NRG3: variants seen among roughly 807,000 people sequenced by gnomAD.
The protein encoded by NRG3 is neuregulin 3.
NRG3 carries 31 observed loss-of-function variants against 66.9 expected under a neutral mutation model. The ratio of observed to expected loss-of-function variants is 0.46; its 90% CI spans 0.35 to 0.63. NRG3 has a LOEUF of 0.63. Ranked by LOEUF, NRG3 falls within the 20% of genes least tolerant of loss-of-function variation. The pLI is 0.00. For synonymous variants in NRG3, 393 were observed against 359.4 expected (o/e 1.09, Z -1.06); for missense variants, 910 against 878.9 (o/e 1.04, Z -0.45).
chr10:81,970,286 C>G (rs1348299863), intron 1 of NRG3, among the ~76,000 whole-genome samples: 1 of 152,096 alleles, frequency 6.6e-6, no homozygotes, highest in African/African-American at 2.4e-5. Flanking sequence ...ATCAACATGT[C>G]AGAGAGATGT....
At chr10:82,495,583 C>T (rs192294489) in intron 2 of NRG3, among the ~76,000 whole-genome samples, 105 of 152,100 alleles carry the variant, frequency 6.9e-4, no homozygotes, top group Non-Finnish European at 1.3e-3. Flanking sequence ...AAGTTGGGCA[C>T]GCCTAGCAGA....
intron 2 of NRG3, among the ~76,000 whole-genome samples, chr10:82,414,861 T>C (rs1198400553): frequency 6.6e-6 from 1 of 152,168 alleles, no homozygotes; most frequent in African/African-American, 2.4e-5. Flanking sequence ...AGGATTCTTG[T>C]ATTACAGTCT....
intron 3 of NRG3, among the ~76,000 whole-genome samples, chr10:82,790,485 G>A (rs763407292): frequency 2.0e-5 from 3 of 151,756 alleles, no homozygotes; most frequent in Non-Finnish European, 4.4e-5. Flanking sequence ...TCCTTTTTTC[G>A]ATACCTTTAC....
intron 4 of NRG3, among the ~76,000 whole-genome samples, chr10:82,950,092 T>G (rs1849382471): frequency 6.6e-6 from 1 of 152,170 alleles, no homozygotes; most frequent in Non-Finnish European, 1.5e-5. Flanking sequence ...TCACTCCAGA[T>G]CTACTAAATC....
intron 2 of NRG3, among the ~76,000 whole-genome samples, chr10:82,672,596 AG>A (rs1487641968): frequency 6.6e-5 from 10 of 152,216 alleles, no homozygotes; most frequent in African/African-American, 9.6e-5. Flanking sequence ...ATGCTGCAGC[AG>A]GTCCTCAAAT....
intron 1 of NRG3, among the ~76,000 whole-genome samples, chr10:82,169,361 G>A (rs1045889279): frequency 2.0e-5 from 3 of 151,642 alleles, no homozygotes; most frequent in Non-Finnish European, 4.4e-5. Flanking sequence ...TAAAGATCTG[G>A]TATTTTCTTA....
At chr10:82,290,263 T>C (rs578018206) in intron 1 of NRG3, among the ~76,000 whole-genome samples, 2 of 152,336 alleles carry the variant, frequency 1.3e-5, no homozygotes, top group South Asian at 4.1e-4. Context: ...TTTGTCTAAT[T>C]ATGATTTTTG....
intron 2 of NRG3, among the ~76,000 whole-genome samples, chr10:82,380,675 G>A (rs1336075302): frequency 2.6e-5 from 4 of 152,112 alleles, no homozygotes; most frequent in African/African-American, 9.7e-5. Context: ...ATACCTATTT[G>A]ACGGGAAAAA....
chr10:82,252,553 G>A (rs1392180675), intron 1 of NRG3, among the ~76,000 whole-genome samples: 1 of 152,176 alleles, frequency 6.6e-6, no homozygotes, highest in Non-Finnish European at 1.5e-5. Context: ...CTGAGATTCA[G>A]AAAACTTGTG....
At chr10:82,112,884 CT>C (rs2067473022) in intron 1 of NRG3, among the ~76,000 whole-genome samples, 4 of 152,074 alleles carry the variant, frequency 2.6e-5, no homozygotes, top group Admixed American at 1.3e-4. Flanking sequence ...GCTGTAATGG[CT>C]ATTCTGTGTG....
chr10:82,390,700 A>G (rs1346355701), intron 2 of NRG3, among the ~76,000 whole-genome samples: 1 of 152,328 alleles, frequency 6.6e-6, no homozygotes, highest in East Asian at 1.9e-4. Context: ...CAAAAATGGT[A>G]ACTCTCTAGG....
chr10:82,474,545 T>C (rs1841582636), intron 2 of NRG3, among the ~76,000 whole-genome samples: 1 of 151,984 alleles, frequency 6.6e-6, no homozygotes, highest in Admixed American at 6.6e-5. Context: ...TGAAGACAAG[T>C]CATTTGACAT....
chr10:82,672,736 T>C (rs2053380440), intron 2 of NRG3, among the ~76,000 whole-genome samples: 1 of 152,142 alleles, frequency 6.6e-6, no homozygotes, highest in Non-Finnish European at 1.5e-5. Context: ...CAAATCTGCA[T>C]GGTTTTTTTG....
At chr10:82,896,508 C>T (rs536479282) in intron 4 of NRG3, among the ~76,000 whole-genome samples, 4 of 152,234 alleles carry the variant, frequency 2.6e-5, no homozygotes, top group Admixed American at 2.0e-4. Flanking sequence ...CCATGAAATA[C>T]CTGTTTATTG....
chr10:82,696,406 G>A (rs1468270095), intron 2 of NRG3, among the ~76,000 whole-genome samples: 1 of 152,040 alleles, frequency 6.6e-6, no homozygotes, highest in Non-Finnish European at 1.5e-5. Flanking sequence ...GATTAACAAG[G>A]CTGAAAGGAA....
At chr10:82,842,186 T>A (rs1034455670) in intron 3 of NRG3, among the ~76,000 whole-genome samples, 2 of 152,068 alleles carry the variant, frequency 1.3e-5, no homozygotes, top group African/African-American at 4.8e-5. Flanking sequence ...GGGACACAGA[T>A]GTTGCAGTGG....
rs144520902 is a variant in NRG3 at position 82,675,470 on chromosome 10, C to T, written c.954-63107C>T. Reference sequence around the variant, plus strand: ...GAACCCGAAAAGACATTTCAAAAGGCCAATCTTAGGTTCAATAATAGTGAT... The same window carrying T: ...GAACCCGAAAAGACATTTCAAAAGGTCAATCTTAGGTTCAATAATAGTGAT... On this transcript the variant is annotated intron_variant, in intron 2 of 8. Transcript: ENST00000372141. Among the ~76,000 whole-genome samples the T allele has an allele frequency of 6.3e-3, 952 of 152,216 alleles. 6 individuals carry two copies. Among genetic ancestry groups the T allele is most frequent in the Non-Finnish European group, 9.0e-3 (609 of 68,008 alleles).
At chr10:82,031,001 C>G (rs182509583) in intron 1 of NRG3, among the ~76,000 whole-genome samples, 1 of 152,224 alleles carries the variant, frequency 6.6e-6, no homozygotes, top group Admixed American at 6.5e-5. Flanking sequence ...AAGTTATTAT[C>G]TAGATATTCA....
intron 1 of NRG3, among the ~76,000 whole-genome samples, chr10:82,066,152 GTTTC>G (rs1389359044): frequency 6.6e-6 from 1 of 151,830 alleles, no homozygotes; most frequent in African/African-American, 2.4e-5. Context: ...ATAATTTTTA[GTTTC>G]TTTATTTTGC....
Sources: allele counts gnomAD v4.1 joint callset (sites outside exome capture counted in the v4.1 genomes callset), GRCh38; gene constraint gnomAD v4.1.1; transcripts MANE v1.5; gene names NCBI Gene and HGNC (gene_info 2026-07-23, HGNC 2026-07-21).